Variants in CFAP299 observed in about 807,000 individuals in gnomAD.
CFAP299 encodes cilia- and flagella-associated protein 299.
In CFAP299, 21 loss-of-function variants were observed where a neutral mutation model predicts 27.0. That is an observed-to-expected ratio of 0.78 (90% CI 0.55 to 1.12). The LOEUF (loss-of-function observed/expected upper bound fraction) is 1.12. Ranked by LOEUF, CFAP299 falls within the 50% of genes most tolerant of loss-of-function variation. CFAP299 has a pLI of 0.00. For synonymous variants in CFAP299, 104 were observed against 98.1 expected (o/e 1.06, Z -0.36); for missense variants, 310 against 276.6 (o/e 1.12, Z -0.86).
intron 2 of CFAP299, among the ~76,000 whole-genome samples, chr4:80,434,327 T>G (rs114948482): frequency 1.3e-3 from 191 of 152,328 alleles, no homozygotes; most frequent in African/African-American, 4.3e-3. Flanking sequence ...ACTCTTGTTT[T>G]GTAGCAGGAC....
At chr4:80,554,104 C>T (rs1734672020) in intron 2 of CFAP299, among the ~76,000 whole-genome samples, 1 of 152,060 alleles carries the variant, frequency 6.6e-6, no homozygotes, top group Admixed American at 6.6e-5. Context: ...AGGTTGTCTT[C>T]CAGTGTTTTT....
At chr4:80,684,683 T>G (rs953363042) in intron 3 of CFAP299, among the ~76,000 whole-genome samples, 3 of 151,176 alleles carry the variant, frequency 2.0e-5, no homozygotes, top group African/African-American at 7.3e-5. Flanking sequence ...ATCTTTTTTT[T>G]GTTGTTGTTG....
At chr4:80,415,066 T>A (rs1393384051) in intron 2 of CFAP299, among the ~76,000 whole-genome samples, 2 of 152,154 alleles carry the variant, frequency 1.3e-5, no homozygotes, top group African/African-American at 4.8e-5. Flanking sequence ...CCTCATCCTT[T>A]TAAAAAGAGT....
chr4:80,331,565 G>A (rs6822305), upstream of CFAP299, among the ~76,000 whole-genome samples: 126,015 of 152,132 alleles, frequency 0.83, 52,424 homozygotes, highest in African/African-American at 0.91. Context: ...TAATTGAGAG[G>A]TGGAAATAAC....
chr4:80,814,470 G>C (rs1729319976), intron 3 of CFAP299, among the ~76,000 whole-genome samples: 1 of 151,876 alleles, frequency 6.6e-6, no homozygotes, highest in Admixed American at 6.6e-5. Context: ...AGTGAAAGGA[G>C]GATACTTGAG....
chr4:80,403,001 T>G (rs1035307170), intron 2 of CFAP299, among the ~76,000 whole-genome samples: 3 of 152,222 alleles, frequency 2.0e-5, no homozygotes, highest in African/African-American at 7.2e-5. Context: ...GAGCTTTTGG[T>G]GACTAAACAT....
intron 3 of CFAP299, among the ~76,000 whole-genome samples, chr4:80,642,325 T>C (rs1303702825): frequency 6.6e-6 from 1 of 152,234 alleles, no homozygotes; most frequent in East Asian, 1.9e-4. Flanking sequence ...AAATGAATGG[T>C]GTCTTATTAA....
intron 3 of CFAP299, among the ~76,000 whole-genome samples, chr4:80,842,060 CCTT>C (rs1285254057): frequency 6.6e-6 from 1 of 152,028 alleles, no homozygotes; most frequent in African/African-American, 2.4e-5. Flanking sequence ...CGCTTCTCCT[CCTT>C]GAGTGTAGAA....
At chr4:80,803,012 T>C (rs1728690203) in intron 3 of CFAP299, among the ~76,000 whole-genome samples, 1 of 152,082 alleles carries the variant, frequency 6.6e-6, no homozygotes, top group African/African-American at 2.4e-5. Flanking sequence ...ATAGAATAAA[T>C]AGGGATTCAG....
In CFAP299 at chr4:80,378,667, T is replaced by G. The variant is rs1480682733; in HGVS notation, c.242+15783T>G. On this transcript the variant is annotated intron_variant, in intron 2 of 5. Coordinates refer to ENST00000358105, the MANE Select transcript of CFAP299 (RefSeq NM_152770.3). ...GATATTTTTCTGTTGATTGAAACAA[T>G]CTTATGGTTTTTCAGGTTCTTTACT... is the stretch of plus-strand genomic sequence containing the variant. 5.3e-5 allele frequency among the ~76,000 whole-genome samples: 8 copies of G among 152,142 alleles called. No individual in the cohort carries two copies. The East Asian group carries it at 1.5e-3, about 29-fold the overall frequency.
chr4:80,821,715 A>G (rs549063598), intron 3 of CFAP299, among the ~76,000 whole-genome samples: 2 of 152,168 alleles, frequency 1.3e-5, no homozygotes, highest in Non-Finnish European at 2.9e-5. Context: ...ACCCATTTGC[A>G]GAGACTTGTT....
In CFAP299 at chr4:80,683,115, G is replaced by A. The variant is rs548357983; in HGVS notation, c.333+99932G>A. Among the ~76,000 whole-genome samples the A allele has an allele frequency of 1.0e-3, 156 of 152,264 alleles. 1 individual carries two copies. The highest frequency in any genetic ancestry group is 3.6e-3 in the African/African-American group (148 of 41,562). ...TATAACACCTCTATCTCCAAGATAA[G>A]AATGAATTTACTATTCCATGGACTG... is the stretch of plus-strand genomic sequence containing the variant. On this transcript the variant is annotated intron_variant, in intron 3 of 5. Coordinates refer to ENST00000358105, the MANE Select transcript of CFAP299 (RefSeq NM_152770.3).
chr4:80,448,279 G>GTA (rs1728740765), intron 2 of CFAP299, among the ~76,000 whole-genome samples: 1 of 152,170 alleles, frequency 6.6e-6, no homozygotes, highest in African/African-American at 2.4e-5. Flanking sequence ...GGTGACTGCT[G>GTA]ATTCAGTATT....
rs556691245 is a variant in CFAP299, at chr4:80,716,323, G to A, written c.333+133140G>A. 2.7e-4 allele frequency among the ~76,000 whole-genome samples: 41 copies of A among 151,582 alleles called. 2 individuals are homozygous for A. The South Asian group carries it at 8.3e-3, about 31-fold the overall frequency. The stretch of plus-strand genomic sequence containing the variant: ...ATGAGAAAAATGAGATGTAGAAAAT[G>A]TACATAATCTATTGCCTGATAGCAA... On this transcript the variant is annotated intron_variant, in intron 3 of 5. Coordinates refer to ENST00000358105, the MANE Select transcript of CFAP299 (RefSeq NM_152770.3).
intron 2 of CFAP299, among the ~76,000 whole-genome samples, chr4:80,447,642 G>A (rs898830947): frequency 2.0e-5 from 3 of 151,532 alleles, no homozygotes; most frequent in African/African-American, 7.3e-5. Flanking sequence ...TAGTAGAGAT[G>A]GGGTTTCACC....
chr4:80,703,102 T>C (rs1721610828), intron 3 of CFAP299, among the ~76,000 whole-genome samples: 1 of 151,756 alleles, frequency 6.6e-6, no homozygotes, highest in Non-Finnish European at 1.5e-5. Context: ...GTCTATTTAA[T>C]AAAGAAGTTA....
At chr4:80,848,823 A>G (rs150290388) in intron 3 of CFAP299, among the ~76,000 whole-genome samples, 19 of 152,124 alleles carry the variant, frequency 1.2e-4, no homozygotes, top group African/African-American at 4.6e-4. Flanking sequence ...GAGATAAAAA[A>G]TGGTACACCT....
intron 3 of CFAP299, among the ~76,000 whole-genome samples, chr4:80,685,649 C>A (rs1187049935): frequency 2.0e-5 from 3 of 150,496 alleles, no homozygotes; most frequent in Non-Finnish European, 4.4e-5. Flanking sequence ...TGAGAGAGAG[C>A]AAATTGGTAT....
chr4:80,911,311 C>T (rs1735463038), intron 4 of CFAP299, among the ~76,000 whole-genome samples: 1 of 151,146 alleles, frequency 6.6e-6, no homozygotes, highest in South Asian at 2.1e-4. Flanking sequence ...TCATGCCCTC[C>T]TCCCATTCTA....
Sources: gnomAD v4.1 joint callset for allele counts (sites outside exome capture counted in the v4.1 genomes callset) on GRCh38, gnomAD v4.1.1 for gene constraint, MANE v1.5 for transcripts, NCBI Gene and HGNC (gene_info 2026-07-23, HGNC 2026-07-21) for gene names.